The following DHCR24 variants were observed in gnomAD, a reference collection of about 807,000 sequenced individuals.
The protein encoded by DHCR24 is 24-dehydrocholesterol reductase.
In DHCR24, 28 loss-of-function variants were observed where a neutral mutation model predicts 61.2. The ratio of observed to expected loss-of-function variants is 0.46; its 90% CI spans 0.34 to 0.63. The LOEUF (loss-of-function observed/expected upper bound fraction) is 0.63. Among genes scored for constraint, DHCR24 ranks in the 20% least tolerant of loss-of-function variants. DHCR24 has a pLI of 0.01. For synonymous variants in DHCR24, 261 were observed against 275.9 expected (o/e 0.95, Z 0.54); for missense variants, 538 against 679.1 (o/e 0.79, Z 2.31).
intron 6 of DHCR24, among the ~76,000 whole-genome samples, chr1:54,863,140 C>T (rs183659285): frequency 1.4e-4 from 21 of 150,784 alleles, no homozygotes; most frequent in African/African-American, 4.9e-4. Context: ...ATCACATCCA[C>T]GGCCAATCTG....
At position 54,854,036 on chromosome 1, in the gene DHCR24, C is replaced by T. The variant is rs1010033960; in HGVS notation, c.1218+1G>A. ...CGCCCTCCCTGCCCTGCCCCACTCACGTGGATGTCGTTTTGGAAGGTGTGC... is the reference window on the plus strand; with the variant it reads ...CGCCCTCCCTGCCCTGCCCCACTCATGTGGATGTCGTTTTGGAAGGTGTGC... On this transcript the variant is annotated splice_donor_variant, in intron 7 of 8. Transcript: ENST00000371269. LOFTEE classifies it high-confidence loss of function. 6.2e-6 allele frequency: 10 copies of T among 1,611,608 alleles called. No homozygotes were observed. Among genetic ancestry groups the T allele is most frequent in the Non-Finnish European group, 8.5e-6 (10 of 1,179,268 alleles).
chr1:54,876,691 C>T (rs1557438273), intron 2 of DHCR24, among the ~76,000 whole-genome samples: 1 of 151,784 alleles, frequency 6.6e-6, no homozygotes, highest in Non-Finnish European at 1.5e-5. Context: ...CCTAGTTCTT[C>T]AGAATTACTA....
At chr1:54,877,970 C>T (rs2101574507) in intron 2 of DHCR24, among the ~76,000 whole-genome samples, 1 of 149,806 alleles carries the variant, frequency 6.7e-6, no homozygotes, top group Middle Eastern at 3.5e-3. Flanking sequence ...TGTACCACTG[C>T]ACTCCAGCCT....
In DHCR24 at chr1:54,859,670, G is replaced by A. The variant is rs550603771; in HGVS notation, c.1021-5436C>T. 9.7e-4 allele frequency among the ~76,000 whole-genome samples: 148 copies of A among 152,176 alleles called. 1 individual carries two copies. The highest frequency in any genetic ancestry group is 1.8e-3 in the Non-Finnish European group (121 of 68,004). The stretch of plus-strand genomic sequence containing the variant: ...AGTAGAGACAGGGTTTTGCCATGTT[G>A]ACCAAGCTGGTAGTTACTTTGGATA... On this transcript the variant is annotated intron_variant, in intron 6 of 8. Coordinates refer to ENST00000371269, the MANE Select transcript of DHCR24 (RefSeq NM_014762.4).
intron 1 of DHCR24, among the ~76,000 whole-genome samples, chr1:54,885,403 G>C (rs1647087550): frequency 6.6e-6 from 1 of 152,196 alleles, no homozygotes; most frequent in African/African-American, 2.4e-5. Flanking sequence ...TACAAGCCAG[G>C]TGTGAGGCAA....
rs773590071 is a variant in DHCR24, at chr1:54,865,404, G to T, written c.919C>A (p.His307Asn). Reference protein sequence around the residue: ...GNYYKPWFFKHVENYLKTNRE... With the variant: ...GNYYKPWFFKNVENYLKTNRE... Reference sequence around the variant, plus strand: ...TTTGTCTTCAGATAGTTCTCCACATGCTTAAAGAACCACGGCTTGTAGTAA... The same window carrying T: ...TTTGTCTTCAGATAGTTCTCCACATTCTTAAAGAACCACGGCTTGTAGTAA... Residue 307 changes from histidine (H) to asparagine (N), a missense_variant, in exon 6 of 9, where the codon CAT (histidine) becomes AAT (asparagine). Physicochemically the swap from His to Asn is moderately conservative, Grantham distance 68. Coordinates refer to ENST00000371269, the MANE Select transcript of DHCR24 (RefSeq NM_014762.4). The T allele has an allele frequency of 1.9e-6, 3 of 1,614,086 alleles. No individual in the cohort carries two copies. The highest frequency in any genetic ancestry group is 2.5e-6 in the Non-Finnish European group (3 of 1,180,050).
chr1:54,866,935 G>T (rs150711029), intron 5 of DHCR24, among the ~76,000 whole-genome samples: 113 of 152,340 alleles, frequency 7.4e-4, no homozygotes, highest in African/African-American at 2.6e-3. Context: ...AGAGCAACCT[G>T]ATCTAACCCC....
At chr1:54,859,035 C>T (rs1646922128) in intron 6 of DHCR24, among the ~76,000 whole-genome samples, 1 of 152,184 alleles carries the variant, frequency 6.6e-6, no homozygotes, top group African/African-American at 2.4e-5. Flanking sequence ...GGATTAGTGA[C>T]TCTGATCTAA....
intron 5 of DHCR24, among the ~76,000 whole-genome samples, chr1:54,870,601 A>T (rs1427720745): frequency 6.6e-6 from 1 of 152,240 alleles, no homozygotes; most frequent in Non-Finnish European, 1.5e-5. Context: ...GCTATGTAAC[A>T]GTTAAGGAAT....
chr1:54,871,457 G>C lies in DHCR24; in HGVS notation c.769C>G (p.His257Asp). The part of the protein sequence containing the change: ...GLEAICAKFT[H>D]ESQRQENHFV... ...TGGTTCTCCTGCCGCTGGGACTCGTGGGTGAACTTGGCACAGATAGCCTCC... is the reference window on the plus strand; with the variant it reads ...TGGTTCTCCTGCCGCTGGGACTCGTCGGTGAACTTGGCACAGATAGCCTCC... The change falls in exon 5 of 9, where the codon CAC becomes GAC. Residue 257 changes from histidine to aspartate, a missense_variant. Physicochemically the swap from His to Asp is moderately conservative, Grantham distance 81. Transcript: ENST00000371269. 1 of 1,614,198 alleles carries C rather than the reference G, an allele frequency of 6.2e-7. No individual in the cohort carries two copies. The highest frequency in any genetic ancestry group is 8.5e-7 in the Non-Finnish European group (1 of 1,180,026).
At chr1:54,866,783 G>A (rs74502762) in intron 5 of DHCR24, among the ~76,000 whole-genome samples, 1 of 147,404 alleles carries the variant, frequency 6.8e-6, no homozygotes, top group African/African-American at 2.6e-5. Context: ...CCCTGCTGGT[G>A]AGGCCACTCT....
intron 4 of DHCR24, among the ~76,000 whole-genome samples, chr1:54,873,653 T>C (rs1647011404): frequency 6.6e-6 from 1 of 152,206 alleles, no homozygotes; most frequent in Non-Finnish European, 1.5e-5. Context: ...GTTTATGTCT[T>C]GACCTTTTTT....
chr1:54,885,711 C>T (rs539080874), intron 1 of DHCR24, among the ~76,000 whole-genome samples: 2 of 152,280 alleles, frequency 1.3e-5, no homozygotes, highest in African/African-American at 2.4e-5. Flanking sequence ...AATAGGCACT[C>T]GCTAGGCTGT....
chr1:54,882,132 AG>A (rs1473008525), intron 2 of DHCR24, among the ~76,000 whole-genome samples: 972 of 5,746 alleles, frequency 0.17, 10 homozygotes, highest in African/African-American at 0.34. Flanking sequence ...AAAGTTTAAA[AG>A]AAAAAAAAAA....
intron 1 of DHCR24, among the ~76,000 whole-genome samples, chr1:54,884,717 T>C (rs571493987): frequency 6.6e-6 from 1 of 152,294 alleles, no homozygotes; most frequent in East Asian, 1.9e-4. Flanking sequence ...GGTGGGTACA[T>C]GACTGAGGAC....
chr1:54,858,791 C>A (rs1646921133), intron 6 of DHCR24, among the ~76,000 whole-genome samples: 1 of 152,128 alleles, frequency 6.6e-6, no homozygotes, highest in Non-Finnish European at 1.5e-5. Context: ...CATGCACCAC[C>A]ACATCTGGCT....
chr1:54,855,267 G>A (rs901231451), intron 6 of DHCR24, among the ~76,000 whole-genome samples: 18 of 152,046 alleles, frequency 1.2e-4, no homozygotes, highest in African/African-American at 3.9e-4. Context: ...GGTGGCGGGC[G>A]CCTGTAGTCC....
chr1:54,853,459 C>T lies in DHCR24; in HGVS notation c.1372G>A (p.Glu458Lys). ...CCATGCACGCTGCGGACAAACTTCT[C>T]CAGCTGCCTCATGCAGGACCTGGCT... is the stretch of plus-strand genomic sequence containing the variant. ...FEARSCMRQL[E>K]KFVRSVHGFQ... The change falls in exon 8 of 9, where the codon GAG becomes AAG. Residue 458 changes from glutamate to lysine, a missense_variant. Physicochemically the swap from Glu to Lys is moderately conservative, Grantham distance 56. Coordinates refer to ENST00000371269, the MANE Select transcript of DHCR24 (RefSeq NM_014762.4). 1 of 1,614,186 alleles carries T rather than the reference C, an allele frequency of 6.2e-7. No individual in the cohort carries two copies. The highest frequency in any genetic ancestry group is 8.5e-7 in the Non-Finnish European group (1 of 1,180,022).
chr1:54,883,907 C>T lies in DHCR24; in HGVS notation c.232-134G>A. On this transcript the variant is annotated intron_variant, in intron 1 of 8. Transcript: ENST00000371269. The surrounding 1 kb of genome is among the most constrained non-coding windows in gnomAD (Gnocchi z 4.3). The stretch of plus-strand genomic sequence containing the variant: ...TGGAGAAACAGAACAATGAAAAGGC[C>T]TGCTGGCCCTACCCTCTGGCACCTC... The T allele has an allele frequency of 1.6e-6, 2 of 1,258,096 alleles. No individual in the cohort carries two copies. Among genetic ancestry groups the T allele is most frequent in the South Asian group, 1.3e-5 (1 of 77,086 alleles). The allele number at this position is 1,258,096 out of a possible 1,614,324, so 77.9% of individuals were successfully genotyped here.
Sources: gnomAD v4.1 joint callset for allele counts (sites outside exome capture counted in the v4.1 genomes callset) on GRCh38, gnomAD v4.1.1 for gene constraint, Gnocchi (gnomAD v3.1) non-coding constraint, MANE v1.5 for transcripts, NCBI Gene and HGNC (gene_info 2026-07-23, HGNC 2026-07-21) for gene names.